VPS13A: variants seen among roughly 807,000 people sequenced by gnomAD.
VPS13A encodes the protein vacuolar protein sorting 13 homolog A, also known as intermembrane lipid transfer protein VPS13A.
In VPS13A, 264 loss-of-function variants were observed where a neutral mutation model predicts 390.9. The observed-to-expected ratio is 0.68, with a 90% CI of 0.61 to 0.75. The LOEUF is 0.75. VPS13A is among the 30% of genes least tolerant of loss of function. VPS13A has a pLI of 0.00. For missense variants in VPS13A, 3,409 were observed against 3,733.9 expected (o/e 0.91, Z 2.27); for synonymous variants, 1,231 against 1,227.1 (o/e 1.00, Z -0.07).
At chr9:77,263,515 A>G (rs939513366) in intron 23 of VPS13A, among the ~76,000 whole-genome samples, 7 of 151,906 alleles carry the variant, frequency 4.6e-5, no homozygotes, top group African/African-American at 1.7e-4. Flanking sequence ...GCTTTTTTTC[A>G]TATGTTTGTT....
chr9:77,415,487 A>G (rs969122438), intron 71 of VPS13A, among the ~76,000 whole-genome samples: 4 of 152,178 alleles, frequency 2.6e-5, no homozygotes, highest in African/African-American at 7.2e-5. Context: ...TTACATTTAC[A>G]TTTTATTTTT....
At chr9:77,398,244 T>A (rs969398977) in intron 68 of VPS13A, among the ~76,000 whole-genome samples, 1 of 152,120 alleles carries the variant, frequency 6.6e-6, no homozygotes, top group Non-Finnish European at 1.5e-5. Flanking sequence ...TGAGGTACCA[T>A]GAGGAAAGTA....
intron 22 of VPS13A, among the ~76,000 whole-genome samples, chr9:77,255,902 C>CT (rs2131282313): frequency 6.6e-6 from 1 of 152,010 alleles, no homozygotes; most frequent in East Asian, 1.9e-4. Context: ...TTTTCTCAGT[C>CT]TAACTAAAGG....
In VPS13A at chr9:77,297,691, C is replaced by T. The variant is rs1330495912; in HGVS notation, c.3812+1845C>T. 2.0e-5 allele frequency among the ~76,000 whole-genome samples: 3 copies of T among 151,490 alleles called. No homozygotes were observed. In the East Asian group the frequency reaches 5.8e-4, roughly 29 times the overall value. On this transcript the variant is annotated intron_variant, in intron 33 of 71. Coordinates refer to ENST00000360280, the MANE Select transcript of VPS13A (RefSeq NM_033305.3). ...CATTTATTAAGCACCAAATCTATCCCAGGCATTGTGCTAAGAATAAGAAAT... is the reference window on the plus strand; with the variant it reads ...CATTTATTAAGCACCAAATCTATCCTAGGCATTGTGCTAAGAATAAGAAAT...
At chr9:77,398,058 A>G (rs1834191571) in intron 68 of VPS13A, among the ~76,000 whole-genome samples, 1 of 152,130 alleles carries the variant, frequency 6.6e-6, no homozygotes, top group African/African-American at 2.4e-5. Flanking sequence ...CTAATTCTTC[A>G]TTTATTTTAA....
At chr9:77,392,815 TAA>T (rs34466446) in intron 68 of VPS13A, among the ~76,000 whole-genome samples, 5 of 140,340 alleles carry the variant, frequency 3.6e-5, no homozygotes, top group African/African-American at 1.3e-4. Flanking sequence ...ACATAATTGC[TAA>T]AAAAAAAAAA....
At chr9:77,410,058 A>G (rs547717420) in intron 71 of VPS13A, among the ~76,000 whole-genome samples, 4 of 152,262 alleles carry the variant, frequency 2.6e-5, no homozygotes, top group African/African-American at 9.6e-5. Context: ...AGGTCAGGTT[A>G]CCCACAAAGG....
At chr9:77,413,832 G>T (rs1161062577) in intron 71 of VPS13A, among the ~76,000 whole-genome samples, 1 of 152,126 alleles carries the variant, frequency 6.6e-6, no homozygotes, top group African/African-American at 2.4e-5. Context: ...GAAAATTTTT[G>T]CAATCTACTC....
intron 17 of VPS13A, among the ~76,000 whole-genome samples, chr9:77,231,284 G>A (rs942761076): frequency 1.3e-5 from 2 of 152,014 alleles, no homozygotes; most frequent in African/African-American, 4.8e-5. Flanking sequence ...GATTATGAGA[G>A]TGGGCTTCTC....
chr9:77,337,606 C>T (rs556510923), intron 47 of VPS13A, 69 bp downstream of exon 47: 1 of 1,466,090 alleles, frequency 6.8e-7, no homozygotes, highest in Admixed American at 1.9e-5. Context: ...AGATTAAGAT[C>T]AATAAAAACT....
At chr9:77,369,517 A>AGC in intron 63 of VPS13A, 105 bp downstream of exon 63, 1 of 816,208 alleles carries the variant, frequency 1.2e-6, no homozygotes, top group Non-Finnish European at 2.1e-6. Context: ...CAGATTTTGG[A>AGC]ACACACACAA....
At chr9:77,321,093 T>C in intron 42 of VPS13A, 76 bp from the exon 43 acceptor site, 1 of 1,308,480 alleles carries the variant, frequency 7.6e-7, no homozygotes, top group African/African-American at 1.5e-5. Flanking sequence ...ACCTTTCTAA[T>C]GTTGGTATTG....
At chr9:77,274,746 A>G (rs1189674183) in intron 24 of VPS13A, among the ~76,000 whole-genome samples, 1 of 152,122 alleles carries the variant, frequency 6.6e-6, no homozygotes, top group African/African-American at 2.4e-5. Flanking sequence ...ATGTTAAATA[A>G]CAGAAACTGC....
At position 77,199,970 on chromosome 9, in the gene VPS13A, A is replaced by G. The variant is rs140518771; in HGVS notation, c.126A>G (p.Gln42=). Residue 42 remains glutamine (Q), a synonymous_variant, in exon 2 of 72, where the codon CAA becomes CAG. Transcript: ENST00000360280. The part of the protein sequence containing the change: ...WKGAVALKNL[Q]IKENALSQLD... ...GAGCTGTGGCCCTCAAGAATCTTCA[A>G]ATTAAAGAAAATGCCCTGGTAGGTT... The G allele has an allele frequency of 1.3e-4, 212 of 1,609,036 alleles. No individual in the cohort carries two copies. Among genetic ancestry groups the G allele is most frequent in the Middle Eastern group, 3.4e-4 (2 of 5,848 alleles).
intron 61 of VPS13A, 66 bp downstream of exon 61, chr9:77,366,938 T>C: frequency 1.3e-6 from 2 of 1,550,366 alleles, no homozygotes; most frequent in South Asian, 2.4e-5. Flanking sequence ...CCTAAAAATT[T>C]CGTAAATGAA....
At chr9:77,392,902 G>A (rs1226823057) in intron 68 of VPS13A, among the ~76,000 whole-genome samples, 1 of 151,428 alleles carries the variant, frequency 6.6e-6, no homozygotes, top group Non-Finnish European at 1.5e-5. Flanking sequence ...TGACTGATTA[G>A]GATAGGGATT....
chr9:77,384,747 T>C, intron 68 of VPS13A: 1 of 1,545,048 alleles, frequency 6.5e-7, no homozygotes, highest in Middle Eastern at 2.3e-4. Context: ...ACTTATACCA[T>C]AATGCCCATA....
intron 6 of VPS13A, among the ~76,000 whole-genome samples, 177 bp downstream of exon 6, chr9:77,209,709 G>T (rs1263315901): frequency 6.6e-6 from 1 of 152,102 alleles, no homozygotes; most frequent in Admixed American, 6.6e-5. Context: ...TTAGTGTTGA[G>T]TGCTTGATTT....
rs140856263 is a variant in VPS13A, at chr9:77,351,794, G to A, written c.7419+348G>A. On this transcript the variant is annotated intron_variant, in intron 53 of 71. Coordinates refer to ENST00000360280, the MANE Select transcript of VPS13A (RefSeq NM_033305.3). ...TGAGGCAGAAGAATCGCTTGAACCC[G>A]GGAGGCAGCGATTGCAGTGAGCCAA... Among the ~76,000 whole-genome samples, 670 of 152,162 alleles carry A rather than the reference G, an allele frequency of 4.4e-3. 3 individuals carry two copies. Among genetic ancestry groups the A allele is most frequent in the African/African-American group, 0.015 (633 of 41,506 alleles).
Sources: allele counts gnomAD v4.1 joint callset (sites outside exome capture counted in the v4.1 genomes callset), GRCh38; gene constraint gnomAD v4.1.1; transcripts MANE v1.5; gene names NCBI Gene and HGNC (gene_info 2026-07-23, HGNC 2026-07-21).